The following CAMK2D variants were observed in gnomAD, a reference collection of about 807,000 sequenced individuals.
CAMK2D encodes the protein calcium/calmodulin dependent protein kinase II delta.
A neutral mutation model predicts 84.0 loss-of-function variants in CAMK2D; 37 were observed. That is an observed-to-expected ratio of 0.44 (90% CI 0.34 to 0.58). The LOEUF (loss-of-function observed/expected upper bound fraction) is 0.58, where lower values mean the gene tolerates loss of function less well. Among genes scored for constraint, CAMK2D ranks in the 20% least tolerant of loss-of-function variants. CAMK2D has a pLI of 0.02. For synonymous variants in CAMK2D, 202 were observed against 212.5 expected (o/e 0.95, Z 0.43); for missense variants, 448 against 652.5 (o/e 0.69, Z 3.41).
chr4:113,734,042 T>C (rs2099575319), intron 2 of CAMK2D, among the ~76,000 whole-genome samples: 1 of 152,150 alleles, frequency 6.6e-6, no homozygotes. Context: ...CTCACCTGAG[T>C]TCTGTAATAG....
At chr4:113,629,527 AC>A (rs1369035257) in intron 3 of CAMK2D, among the ~76,000 whole-genome samples, 2 of 152,202 alleles carry the variant, frequency 1.3e-5, no homozygotes, top group East Asian at 3.9e-4. Context: ...GTTACAGAAA[AC>A]AATACTTAAT....
intron 3 of CAMK2D, among the ~76,000 whole-genome samples, chr4:113,643,054 AAAG>A (rs1228487587): frequency 6.6e-6 from 1 of 152,260 alleles, no homozygotes; most frequent in Non-Finnish European, 1.5e-5. Flanking sequence ...ATATGTAACA[AAAG>A]AAGAGCAGAA....
intron 16 of CAMK2D, among the ~76,000 whole-genome samples, chr4:113,486,331 C>A (rs55743709): frequency 6.7e-4 from 102 of 152,076 alleles, no homozygotes; most frequent in Middle Eastern, 3.4e-3. Context: ...TGTTATATTG[C>A]CGAGGCTGGT....
chr4:113,760,569 T>C (rs900749663), intron 1 of CAMK2D, among the ~76,000 whole-genome samples: 2 of 152,190 alleles, frequency 1.3e-5, no homozygotes, highest in East Asian at 1.9e-4. Flanking sequence ...ACCTGGGTCA[T>C]ACGGCCGACA....
chr4:113,484,589 C>T (rs1356413304), intron 16 of CAMK2D, among the ~76,000 whole-genome samples: 1 of 152,076 alleles, frequency 6.6e-6, no homozygotes, highest in African/African-American at 2.4e-5. Context: ...TACAATGGTA[C>T]AGCATTTTAT....
At chr4:113,719,249 C>T (rs2099522990) in intron 2 of CAMK2D, among the ~76,000 whole-genome samples, 1 of 152,184 alleles carries the variant, frequency 6.6e-6, no homozygotes. Flanking sequence ...TGGAGTCCCT[C>T]ATACTAATGT....
intron 2 of CAMK2D, among the ~76,000 whole-genome samples, chr4:113,757,823 A>G (rs1412560643): frequency 2.0e-5 from 3 of 152,154 alleles, no homozygotes; most frequent in Non-Finnish European, 4.4e-5. Context: ...GTATGTGACC[A>G]GGGATAAGTA....
At chr4:113,748,092 G>A (rs2149017727) in intron 2 of CAMK2D, among the ~76,000 whole-genome samples, 2 of 152,018 alleles carry the variant, frequency 1.3e-5, no homozygotes, top group East Asian at 3.9e-4. Context: ...AGCTCCTCTA[G>A]GAAGTTTTCC....
At chr4:113,745,392 G>T (rs997750649) in intron 2 of CAMK2D, among the ~76,000 whole-genome samples, 1 of 152,046 alleles carries the variant, frequency 6.6e-6, no homozygotes, top group Non-Finnish European at 1.5e-5. Context: ...AGGCTACACT[G>T]AATTCTCATA....
intron 16 of CAMK2D, among the ~76,000 whole-genome samples, chr4:113,496,517 C>T (rs187910494): frequency 3.6e-4 from 54 of 148,782 alleles, no homozygotes; most frequent in African/African-American, 1.2e-3. Context: ...GGCACAATCT[C>T]GGCTCACTGC....
chr4:113,616,341 ATG>A (rs1408348003), intron 3 of CAMK2D, among the ~76,000 whole-genome samples: 1 of 152,178 alleles, frequency 6.6e-6, no homozygotes, highest in African/African-American at 2.4e-5. Flanking sequence ...TCTGGTGACT[ATG>A]GTCTCCATCC....
At chr4:113,743,928 C>T (rs961489620) in intron 2 of CAMK2D, among the ~76,000 whole-genome samples, 1 of 152,014 alleles carries the variant, frequency 6.6e-6, no homozygotes, top group African/African-American at 2.4e-5. Flanking sequence ...GCAAGCTCTG[C>T]CTTCCAGGTT....
chr4:113,622,868 G>C (rs1167623668), intron 3 of CAMK2D, among the ~76,000 whole-genome samples: 6 of 152,150 alleles, frequency 3.9e-5, no homozygotes, highest in African/African-American at 1.4e-4. Context: ...CTCACCTGAG[G>C]ATTATCTAAT....
chr4:113,455,885 TC>T, intron 19 of CAMK2D, 64 bp from the exon 20 acceptor site: 1 of 948,218 alleles, frequency 1.1e-6, no homozygotes, highest in Non-Finnish European at 1.7e-6. Flanking sequence ...ATAGGCTTCA[TC>T]CCATAAACAC....
chr4:113,727,792 A>G (rs1345866803), intron 2 of CAMK2D, among the ~76,000 whole-genome samples: 1 of 152,210 alleles, frequency 6.6e-6, no homozygotes, highest in Non-Finnish European at 1.5e-5. Context: ...TATCTGGAAT[A>G]TACAAAGAAT....
In CAMK2D at chr4:113,750,560, T is replaced by C. The variant is rs528252629; in HGVS notation, c.160+8760A>G. 5.9e-5 allele frequency among the ~76,000 whole-genome samples: 9 copies of C among 152,302 alleles called. 2 individuals are homozygous for C. Among genetic ancestry groups the C allele is most frequent in the African/African-American group, 1.9e-4 (8 of 41,578 alleles). On this transcript the variant is annotated intron_variant, in intron 2 of 20. Coordinates refer to ENST00000511664, the MANE Select transcript of CAMK2D (RefSeq NM_001321571.2). The stretch of plus-strand genomic sequence containing the variant: ...TCCACACTCATAGGCCAGGAAATAC[T>C]TGAGGAAGGAATGTCTGTCTTTTAC...
At chr4:113,539,996 G>A (rs2098519650) in intron 6 of CAMK2D, among the ~76,000 whole-genome samples, 1 of 152,086 alleles carries the variant, frequency 6.6e-6, no homozygotes, top group Non-Finnish European at 1.5e-5. Context: ...CAGCTCCAAT[G>A]AAACATTAAA....
intron 2 of CAMK2D, among the ~76,000 whole-genome samples, chr4:113,666,851 T>A (rs981923030): frequency 5.3e-5 from 8 of 152,216 alleles, no homozygotes; most frequent in Admixed American, 1.3e-4. Flanking sequence ...CTTAAGCTGC[T>A]GAGCTGCTGA....
At chr4:113,640,503 T>C (rs2099128220) in intron 3 of CAMK2D, among the ~76,000 whole-genome samples, 1 of 152,194 alleles carries the variant, frequency 6.6e-6, no homozygotes, top group Non-Finnish European at 1.5e-5. Context: ...GAGAGCTTAC[T>C]ATCTATCAGA....
Sources: gnomAD v4.1 joint callset for allele counts (sites outside exome capture counted in the v4.1 genomes callset) on GRCh38, gnomAD v4.1.1 for gene constraint, MANE v1.5 for transcripts, NCBI Gene and HGNC (gene_info 2026-07-23, HGNC 2026-07-21) for gene names.